MLH3: variants seen among roughly 807,000 people sequenced by gnomAD.
MLH3 encodes the protein mutL homolog 3.
In MLH3, 82 loss-of-function variants were observed where a neutral mutation model predicts 122.2. The ratio of observed to expected loss-of-function variants is 0.67; its 90% CI spans 0.56 to 0.81. The LOEUF is 0.81. Among genes scored for constraint, MLH3 ranks in the 30% least tolerant of loss-of-function variants. MLH3 has a pLI of 0.00. For missense variants in MLH3, 1,539 were observed against 1,714.5 expected (o/e 0.90, Z 1.81); for synonymous variants, 524 against 599.5 (o/e 0.87, Z 1.84).
At position 75,047,985 on chromosome 14, in the gene MLH3, A is replaced by G. The variant is rs1043994086; in HGVS notation, c.1671T>C (p.Ala557=). ...IQNQPKRFKD[A]TEVGCQPLPF... The stretch of plus-strand genomic sequence containing the variant: ...GCAGAGGCTGGCATCCCACTTCAGT[A>G]GCATCTTTAAATCTCTTTGGTTGAT... The change falls in exon 2 of 13, where the codon GCT becomes GCC. Residue 557 remains alanine, a synonymous_variant. Transcript: ENST00000355774. 1.2e-6 allele frequency: 2 copies of G among 1,614,144 alleles called. No individual in the cohort carries two copies. The highest frequency in any genetic ancestry group is 1.7e-6 in the Non-Finnish European group (2 of 1,180,014).
chr14:75,047,940 C>T lies in MLH3; in HGVS notation c.1716G>A (p.Trp572Ter), dbSNP rs1480617936. The change falls in exon 2 of 13, where the codon TGG becomes TGA. Residue 572 changes from tryptophan (W) to a stop codon, truncating the protein, a stop_gained. Coordinates refer to ENST00000355774, the MANE Select transcript of MLH3 (RefSeq NM_001040108.2). LOFTEE classifies it high-confidence loss of function. ...TCTCTGTCTGAGCACTATGTACTCC[C>T]CATAATGTTGTTGCAAAAGGCAGAG... is the stretch of plus-strand genomic sequence containing the variant. The part of the protein sequence containing the change: ...CQPLPFATTL[W>*]GVHSAQTEKE... 1 of 1,614,084 alleles carries T rather than the reference C, an allele frequency of 6.2e-7. No homozygotes were observed. Among genetic ancestry groups the T allele is most frequent in the Non-Finnish European group, 8.5e-7 (1 of 1,180,002 alleles).
intron 7 of MLH3, among the ~76,000 whole-genome samples, chr14:75,032,470 A>T (rs1273248808): frequency 6.6e-6 from 1 of 152,234 alleles, no homozygotes; most frequent in African/African-American, 2.4e-5. Context: ...GAGGTGAATA[A>T]TGTGGATTAC....
rs1367614553 is a variant in MLH3 at position 75,048,050 on chromosome 14, C to T, written c.1606G>A (p.Gly536Ser). 1 of 1,613,944 alleles carries T rather than the reference C, an allele frequency of 6.2e-7. No homozygotes were observed. The highest frequency in any genetic ancestry group is 1.7e-5 in the Admixed American group (1 of 60,018). The change falls in exon 2 of 13, where the codon GGC (glycine) becomes AGC (serine). Residue 536 changes from glycine (G) to serine (S), a missense_variant. Gly to Ser is a moderately conservative substitution (Grantham distance 56, BLOSUM62 0). Coordinates refer to ENST00000355774, the MANE Select transcript of MLH3 (RefSeq NM_001040108.2). Reference protein sequence around the residue: ...EIWKESTTVNGMAANILKNNR... With the variant: ...EIWKESTTVNSMAANILKNNR... ...TTTTTCAAGATGTTGGCAGCCATGC[C>T]ATTAACAGTAGTACTTTCTTTCCAT... is the stretch of plus-strand genomic sequence containing the variant.
chr14:75,045,508 A>G (rs1172385416), intron 2 of MLH3, among the ~76,000 whole-genome samples: 3 of 152,224 alleles, frequency 2.0e-5, no homozygotes, highest in Admixed American at 6.5e-5. Flanking sequence ...TCTAGAAAGA[A>G]AAAGCTCATA....
In MLH3 at chr14:75,047,082, G is replaced by A; in HGVS notation, c.2574C>T (p.Leu858=). 1.9e-6 allele frequency: 3 copies of A among 1,614,112 alleles called. No individual in the cohort carries two copies. Among genetic ancestry groups the A allele is most frequent in the Non-Finnish European group, 2.5e-6 (3 of 1,179,970 alleles). The change falls in exon 2 of 13, where the codon CTC becomes CTT. Residue 858 remains leucine (L), a synonymous_variant. Transcript: ENST00000355774. ...ESPMTLKELS[L]FNRKPLDLEK... Reference sequence around the variant, plus strand: ...CAAGGTCCAAAGGTTTTCTATTAAAGAGAGATAACTCCTTCAGGGTCATAG... The same window carrying A: ...CAAGGTCCAAAGGTTTTCTATTAAAAAGAGATAACTCCTTCAGGGTCATAG...
At chr14:75,025,747 T>C (rs1595039813) in intron 9 of MLH3, among the ~76,000 whole-genome samples, 1 of 152,304 alleles carries the variant, frequency 6.6e-6, no homozygotes, top group East Asian at 1.9e-4. Context: ...CTTTTAAGTG[T>C]GCCTATCCAC....
chr14:75,032,191 A>C lies in MLH3; in HGVS notation c.3716-12T>G. ...CTTCTCGTAGGAATCTATTGGCAGAAAGATGAATGGGTTAAGAGTAGGAAG... is the reference window on the plus strand; with the variant it reads ...CTTCTCGTAGGAATCTATTGGCAGACAGATGAATGGGTTAAGAGTAGGAAG... On this transcript the variant is annotated splice_polypyrimidine_tract_variant and intron_variant, in intron 7 of 12. Coordinates refer to ENST00000355774, the MANE Select transcript of MLH3 (RefSeq NM_001040108.2). 6.6e-7 allele frequency: 1 copy of C among 1,505,494 alleles called. No homozygotes were observed. The highest frequency in any genetic ancestry group is 1.1e-5 in the South Asian group (1 of 88,862). The allele number at this position is 1,505,494 out of a possible 1,614,324, so 93.3% of individuals were successfully genotyped here.
At chr14:75,031,739 G>A (rs934658126) in intron 8 of MLH3, among the ~76,000 whole-genome samples, 1 of 152,202 alleles carries the variant, frequency 6.6e-6, no homozygotes, top group African/African-American at 2.4e-5. Context: ...GCTTGAGCCT[G>A]GAAGGTGGAG....
intron 3 of MLH3, 131 bp from the exon 4 acceptor site, chr14:75,041,831 T>C: frequency 1.4e-6 from 1 of 722,826 alleles, no homozygotes; most frequent in Non-Finnish European, 2.5e-6. Context: ...TCTACAAATG[T>C]TCAGTGTTTG....
chr14:75,032,825 G>C (rs550245885), intron 7 of MLH3, among the ~76,000 whole-genome samples: 1 of 82,980 alleles, frequency 1.2e-5, no homozygotes, highest in Non-Finnish European at 2.8e-5. Context: ...ATGAGGAAAA[G>C]GGTAGCAAAA....
intron 9 of MLH3, among the ~76,000 whole-genome samples, chr14:75,023,788 G>T (rs544747060): frequency 6.6e-6 from 1 of 152,106 alleles, no homozygotes; most frequent in Admixed American, 6.5e-5. Flanking sequence ...CCTGGAAAAG[G>T]CTATGTGTAA....
At chr14:75,037,694 T>C (rs1453646497) in intron 6 of MLH3, among the ~76,000 whole-genome samples, 1 of 152,024 alleles carries the variant, frequency 6.6e-6, no homozygotes. Flanking sequence ...GGCTTACACC[T>C]GTAATCCCAG....
intron 6 of MLH3, among the ~76,000 whole-genome samples, chr14:75,035,862 CCT>C (rs1382111151): frequency 6.6e-6 from 1 of 151,968 alleles, no homozygotes; most frequent in Non-Finnish European, 1.5e-5. Context: ...AAAAAAAGGT[CCT>C]CTGTCACCCT....
rs556161140 is a variant in MLH3, at chr14:75,044,101, A to T, written c.3281-1624T>A. Reference sequence around the variant, plus strand: ...CGAAACTCCGTCTCAAAAAAAAAAAATTGTCTTTTAACAATTTATTTCATG... The same window carrying T: ...CGAAACTCCGTCTCAAAAAAAAAAATTTGTCTTTTAACAATTTATTTCATG... On this transcript the variant is annotated intron_variant, in intron 2 of 12. Transcript: ENST00000355774. 6.6e-5 allele frequency among the ~76,000 whole-genome samples: 10 copies of T among 152,092 alleles called. No homozygotes were observed. The East Asian group carries it at 1.9e-3, about 29-fold the overall frequency.
chr14:75,031,584 G>A (rs887794774), intron 8 of MLH3, among the ~76,000 whole-genome samples: 1 of 152,206 alleles, frequency 6.6e-6, no homozygotes, highest in East Asian at 1.9e-4. Flanking sequence ...AGGCCAAAGT[G>A]GGAGGATCGC....
chr14:75,046,966 T>C lies in MLH3; in HGVS notation c.2690A>G (p.Asn897Ser), dbSNP rs1009399296. 4.3e-6 allele frequency: 7 copies of C among 1,614,056 alleles called. No homozygotes were observed. In the African/African-American group the frequency reaches 5.3e-5, roughly 12 times the overall value. Reference sequence around the variant, plus strand: ...ACTGGAATCTGAATTTGGAAGTTCATTAAAACGACTCATCATCCCCATTGT... The same window carrying C: ...ACTGGAATCTGAATTTGGAAGTTCACTAAAACGACTCATCATCCCCATTGT... ...TQTMGMMSRF[N>S]ELPNSDSSRK... Residue 897 changes from asparagine to serine, a missense_variant, in exon 2 of 13, where the codon AAT becomes AGT. Transcript: ENST00000355774.
rs184224292 is a variant in MLH3 at position 75,035,517 on chromosome 14, C to T, written c.3644-2027G>A. 5.9e-5 allele frequency among the ~76,000 whole-genome samples: 9 copies of T among 152,066 alleles called. No individual in the cohort carries two copies. In the East Asian group the frequency reaches 1.2e-3, roughly 20 times the overall value. ...AGCCTGGGCAACAAGAGTGAAACTTCGTCTCAAAAACAACAACAACAAAAA... is the reference window on the plus strand; with the variant it reads ...AGCCTGGGCAACAAGAGTGAAACTTTGTCTCAAAAACAACAACAACAAAAA... On this transcript the variant is annotated intron_variant, in intron 6 of 12. Coordinates refer to ENST00000355774, the MANE Select transcript of MLH3 (RefSeq NM_001040108.2).
At chr14:75,032,897 T>C (rs1891149655) in intron 7 of MLH3, among the ~76,000 whole-genome samples, 1 of 148,142 alleles carries the variant, frequency 6.8e-6, no homozygotes. Flanking sequence ...GAGATATTGG[T>C]TGTCTCTGGG....
rs748434126 is a variant in MLH3 at position 75,049,441 on chromosome 14, C to A, written c.215G>T (p.Arg72Leu). 2 of 1,614,074 alleles carry A rather than the reference C, an allele frequency of 1.2e-6. No homozygotes were observed. The highest frequency in any genetic ancestry group is 2.2e-5 in the East Asian group (1 of 44,894). Residue 72 changes from arginine (R) to leucine (L), a missense_variant, in exon 2 of 13, where the codon CGT becomes CTT. Coordinates refer to ENST00000355774, the MANE Select transcript of MLH3 (RefSeq NM_001040108.2). ...CGAGTGGCATTTACTGGTGAAATAA[C>A]GATTTCCCACTTTCTCTACATCATC... ...GSDDVEKVGN[R>L]YFTSKCHSVQ...
Sources: allele counts gnomAD v4.1 joint callset (sites outside exome capture counted in the v4.1 genomes callset), GRCh38; gene constraint gnomAD v4.1.1; transcripts MANE v1.5; gene names NCBI Gene and HGNC (gene_info 2026-07-23, HGNC 2026-07-21).